PPM1L: variants seen among roughly 807,000 people sequenced by gnomAD.
PPM1L encodes the protein protein phosphatase 1L.
Under a neutral mutation model 31.4 loss-of-function variants are expected in PPM1L, and 13 were observed. The observed-to-expected ratio is 0.41, with a 90% CI of 0.27 to 0.66. The LOEUF (loss-of-function observed/expected upper bound fraction) is 0.66, where lower values mean the gene tolerates loss of function less well. Among genes scored for constraint, PPM1L ranks in the 30% least tolerant of loss-of-function variants. The pLI is 0.29. For synonymous variants in PPM1L, 184 were observed against 175.4 expected, an observed-to-expected ratio of 1.05 and a Z score of -0.39; for missense variants, 326 against 453.7, an observed-to-expected ratio of 0.72 and a Z score of 2.56.
rs563868364 is a variant in PPM1L, at chr3:160,885,048, A to G, written c.400-76688A>G. 2.0e-5 allele frequency among the ~76,000 whole-genome samples: 3 copies of G among 152,162 alleles called. No individual in the cohort carries two copies. In the South Asian group the frequency reaches 6.2e-4, roughly 32 times the overall value. Reference sequence around the variant, plus strand: ...GGCAAATTCTATAGTTCTTTTCTTTACCCTTGTCACCTTCAAGCATATTAG... The same window carrying G: ...GGCAAATTCTATAGTTCTTTTCTTTGCCCTTGTCACCTTCAAGCATATTAG... On this transcript the variant is annotated intron_variant, in intron 1 of 3. Transcript: ENST00000498165.
intron 1 of PPM1L, among the ~76,000 whole-genome samples, chr3:160,877,275 T>C (rs1026292359): frequency 1.3e-5 from 2 of 152,160 alleles, no homozygotes; most frequent in South Asian, 4.1e-4. Context: ...GGAGAAAAAT[T>C]TGGCTTTTGC....
In PPM1L at chr3:161,069,442, G is replaced by T; in HGVS notation, c.*285G>T. On this transcript the variant is annotated 3_prime_UTR_variant, in exon 4 of 4. Coordinates refer to ENST00000498165, the MANE Select transcript of PPM1L (RefSeq NM_139245.4). ...TAGAGTCACATATATGAAGTGAATA[G>T]CATATGTGTCATTTAGTCTCCCTGA... 1 of 387,112 alleles carries T rather than the reference G, an allele frequency of 2.6e-6. No homozygotes were observed. Among genetic ancestry groups the T allele is most frequent in the Non-Finnish European group, 4.7e-6 (1 of 213,384 alleles). 24.0% of individuals were successfully genotyped at this position (387,112 alleles called of 1,614,324 possible).
intron 1 of PPM1L, among the ~76,000 whole-genome samples, chr3:160,808,404 T>TGTGCGCGCGCGC (rs1328676470): frequency 6.7e-5 from 10 of 148,384 alleles, no homozygotes; most frequent in Middle Eastern, 3.5e-3. Context: ...TGTGTGTGTG[T>TGTGCGCGCGCGC]GTGTGTGTGT....
At chr3:160,861,110 A>G (rs1576675601) in intron 1 of PPM1L, among the ~76,000 whole-genome samples, 1 of 152,322 alleles carries the variant, frequency 6.6e-6, no homozygotes, top group East Asian at 1.9e-4. Context: ...AAGGTCACGT[A>G]GTGTATCATC....
At chr3:160,825,339 AT>A (rs1713322726) in intron 1 of PPM1L, among the ~76,000 whole-genome samples, 1 of 152,172 alleles carries the variant, frequency 6.6e-6, no homozygotes, top group South Asian at 2.1e-4. Context: ...ATTGATAAAA[AT>A]TTTAGATCAA....
At chr3:160,880,063 T>C (rs1042214049) in intron 1 of PPM1L, among the ~76,000 whole-genome samples, 3 of 152,186 alleles carry the variant, frequency 2.0e-5, no homozygotes, top group African/African-American at 7.2e-5. Context: ...CTGGTAGCAC[T>C]TCTGATGTCA....
rs145293093 is a variant in PPM1L at position 160,940,628 on chromosome 3, C to T, written c.400-21108C>T. On this transcript the variant is annotated intron_variant, in intron 1 of 3. Coordinates refer to ENST00000498165, the MANE Select transcript of PPM1L (RefSeq NM_139245.4). ...TCATGTTGTATTGAGCCTAGGGGTG[C>T]GCAGAAGCCAAGAATTGAGGTTTGG... is the stretch of plus-strand genomic sequence containing the variant. 5.0e-4 allele frequency among the ~76,000 whole-genome samples: 76 copies of T among 152,268 alleles called. No individual in the cohort carries two copies. The East Asian group carries it at 9.8e-3, about 20-fold the overall frequency.
chr3:160,880,547 A>T (rs1235864893), intron 1 of PPM1L, among the ~76,000 whole-genome samples: 1 of 152,142 alleles, frequency 6.6e-6, no homozygotes, highest in Non-Finnish European at 1.5e-5. Flanking sequence ...ATAGCTGTTA[A>T]ATTAGTAGCA....
chr3:161,068,118 T>C (rs1324097639), intron 3 of PPM1L, among the ~76,000 whole-genome samples: 2 of 152,198 alleles, frequency 1.3e-5, no homozygotes, highest in African/African-American at 4.8e-5. Context: ...GTTAAGTGCA[T>C]ATTATGTTCA....
chr3:160,933,203 G>A (rs897401815), intron 1 of PPM1L, among the ~76,000 whole-genome samples: 31 of 151,968 alleles, frequency 2.0e-4, no homozygotes, highest in African/African-American at 6.5e-4. Context: ...CTGAGTATTA[G>A]CTGTTTGTTG....
At chr3:160,773,156 C>T (rs1711500375) in intron 1 of PPM1L, among the ~76,000 whole-genome samples, 1 of 152,138 alleles carries the variant, frequency 6.6e-6, no homozygotes, top group South Asian at 2.1e-4. Context: ...CCAGTTGTTC[C>T]ACATCCTCAC....
At chr3:160,980,706 GAA>G (rs375518927) in intron 2 of PPM1L, among the ~76,000 whole-genome samples, 3 of 15,014 alleles carry the variant, frequency 2.0e-4, no homozygotes, top group African/African-American at 1.5e-3. Flanking sequence ...GAAAGAGAGA[GAA>G]AAAAAAAGAG....
Position 161,046,651 on chromosome 3 carries a change from G to A in PPM1L, c.575-18752G>A, listed in dbSNP as rs1200325496. ...GACACAACCAAAAAAGAGAATTTTA[G>A]ACCAATATCCTTGATGAACATCAAT... On this transcript the variant is annotated intron_variant, in intron 2 of 3. Transcript: ENST00000498165. Among the ~76,000 whole-genome samples, 4 of 152,248 alleles carry A rather than the reference G, an allele frequency of 2.6e-5. No homozygotes were observed. In the East Asian group the frequency reaches 7.7e-4, roughly 29 times the overall value.
chr3:160,901,531 G>A (rs892657097), intron 1 of PPM1L, among the ~76,000 whole-genome samples: 6 of 152,068 alleles, frequency 3.9e-5, no homozygotes, highest in African/African-American at 1.4e-4. Flanking sequence ...TTCCCTCACA[G>A]CAAGTGTTTA....
chr3:160,978,558 A>G (rs1194456953), intron 2 of PPM1L, among the ~76,000 whole-genome samples: 1 of 152,232 alleles, frequency 6.6e-6, no homozygotes, highest in Non-Finnish European at 1.5e-5. Flanking sequence ...GGCCAGGCAC[A>G]GTGGCTCATG....
At chr3:161,038,388 T>C (rs1461001118) in intron 2 of PPM1L, among the ~76,000 whole-genome samples, 1 of 151,936 alleles carries the variant, frequency 6.6e-6, no homozygotes, top group South Asian at 2.1e-4. Context: ...CATAGCCCAC[T>C]GCAGCCTCAA....
At chr3:160,847,336 T>G (rs1384797629) in intron 1 of PPM1L, among the ~76,000 whole-genome samples, 1 of 152,222 alleles carries the variant, frequency 6.6e-6, no homozygotes, top group Non-Finnish European at 1.5e-5. Flanking sequence ...AAAACATTGC[T>G]TAATGTAAAA....
At chr3:160,814,936 A>G (rs746026811) in intron 1 of PPM1L, among the ~76,000 whole-genome samples, 9 of 152,198 alleles carry the variant, frequency 5.9e-5, no homozygotes, top group Non-Finnish European at 1.2e-4. Flanking sequence ...CTCACTTATA[A>G]ATGGGAGCTA....
At chr3:160,824,745 G>GT (rs1226822122) in intron 1 of PPM1L, among the ~76,000 whole-genome samples, 1 of 152,104 alleles carries the variant, frequency 6.6e-6, no homozygotes, top group Admixed American at 6.6e-5. Flanking sequence ...ATAGATTTAT[G>GT]TTTTTCAGAA....
Sources: gnomAD v4.1 joint callset for allele counts (sites outside exome capture counted in the v4.1 genomes callset) on GRCh38, gnomAD v4.1.1 for gene constraint, MANE v1.5 for transcripts, NCBI Gene and HGNC (gene_info 2026-07-23, HGNC 2026-07-21) for gene names.